Variants in FAM47E observed in about 807,000 individuals in gnomAD.
FAM47E encodes the protein protein FAM47E.
In FAM47E, 32 loss-of-function variants were observed where a neutral mutation model predicts 41.6. That is an observed-to-expected ratio of 0.77 (90% CI 0.58 to 1.03). The LOEUF is 1.03. Ranked by LOEUF, FAM47E falls within the 50% of genes least tolerant of loss-of-function variation. FAM47E has a pLI of 0.00. For synonymous variants in FAM47E, 184 were observed against 188.7 expected (o/e 0.98, Z 0.20); for missense variants, 424 against 485.4 (o/e 0.87, Z 1.19).
chr4:76,268,586 C>A, intron 3 of FAM47E, 74 bp from the exon 4 acceptor site: 1 of 1,434,036 alleles, frequency 7.0e-7, no homozygotes, highest in Non-Finnish European at 9.4e-7. Context: ...TTTCCTTTTG[C>A]CTCTAAAACT....
chr4:76,242,335 T>C (rs144268772), intron 2 of FAM47E, among the ~76,000 whole-genome samples: 118 of 152,302 alleles, frequency 7.7e-4, no homozygotes, highest in African/African-American at 2.8e-3. Context: ...CCTCTTTCTC[T>C]TGCTCCCACT....
chr4:76,229,011 T>C (rs1472348223), intron 2 of FAM47E, among the ~76,000 whole-genome samples: 1 of 152,334 alleles, frequency 6.6e-6, no homozygotes, highest in Non-Finnish European at 1.5e-5. Context: ...CCTAATTTCA[T>C]GGACGCTTTA....
chr4:76,248,473 G>A (rs1390453869), upstream of FAM47E, among the ~76,000 whole-genome samples: 1 of 152,062 alleles, frequency 6.6e-6, no homozygotes, highest in African/African-American at 2.4e-5. Flanking sequence ...TATTTTGCAT[G>A]TAGGTAGGAT....
intron 2 of FAM47E, among the ~76,000 whole-genome samples, chr4:76,244,546 T>TC: frequency 7.2e-6 from 1 of 139,372 alleles, no homozygotes; most frequent in East Asian, 2.0e-4. Context: ...TTTTTTTTTT[T>TC]TTTTTTTTTT....
intron 1 of FAM47E, 78 bp from the exon 2 acceptor site, chr4:76,256,097 CCTT>C (rs1262914742): frequency 3.4e-6 from 5 of 1,451,738 alleles, no homozygotes; most frequent in Non-Finnish European, 4.6e-6. Flanking sequence ...TTTACTACCT[CCTT>C]CTCCCACCCA....
chr4:76,257,802 C>T (rs1734252706), intron 2 of FAM47E, among the ~76,000 whole-genome samples: 2 of 152,126 alleles, frequency 1.3e-5, no homozygotes, highest in Admixed American at 6.5e-5. Flanking sequence ...CTACTTTTCA[C>T]TGTAGCACTT....
chr4:76,232,821 A>C (rs1156713671), intron 2 of FAM47E, among the ~76,000 whole-genome samples: 1 of 152,210 alleles, frequency 6.6e-6, no homozygotes, highest in Admixed American at 6.5e-5. Context: ...AATATGTTTA[A>C]AACATTTGAT....
chr4:76,274,046 A>T (rs533064657), intron 5 of FAM47E, among the ~76,000 whole-genome samples: 3 of 152,288 alleles, frequency 2.0e-5, no homozygotes, highest in African/African-American at 4.8e-5. Flanking sequence ...TTGTTTACTG[A>T]TTCTAACATC....
rs1405841117 is a variant in FAM47E, at chr4:76,283,366, C to T, written c.1105-15C>T. On this transcript the variant is annotated splice_polypyrimidine_tract_variant and intron_variant, in intron 7 of 7. Transcript: ENST00000424749. Reference sequence around the variant, plus strand: ...TGTTTGCCAATCTAATGAAGGTTCTCTCATTTTTTTTTAGTTCCTTGAGAA... The same window carrying T: ...TGTTTGCCAATCTAATGAAGGTTCTTTCATTTTTTTTTAGTTCCTTGAGAA... The T allele has an allele frequency of 6.7e-7, 1 of 1,500,992 alleles. No homozygotes were observed. Among genetic ancestry groups the T allele is most frequent in the Non-Finnish European group, 9.1e-7 (1 of 1,101,762 alleles). 93.0% of individuals were successfully genotyped at this position (1,500,992 alleles called of 1,614,324 possible). A position where few individuals can be genotyped will look rare whatever the true frequency, so the allele number is the denominator to read the frequency against.
intron 5 of FAM47E, among the ~76,000 whole-genome samples, chr4:76,274,409 C>CA (rs35889193): frequency 0.36 from 54,207 of 151,224 alleles, 10,272 homozygotes; most frequent in Admixed American, 0.42. Context: ...CCAGTCTCTA[C>CA]AAAAAAAAAT....
intron 2 of FAM47E, among the ~76,000 whole-genome samples, chr4:76,226,160 G>A (rs549496890): frequency 6.6e-6 from 1 of 152,210 alleles, no homozygotes; most frequent in Admixed American, 6.5e-5. Flanking sequence ...TGGGTCCAGG[G>A]AGCCAACGCT....
At chr4:76,229,792 G>C (rs1733462183) in intron 2 of FAM47E, among the ~76,000 whole-genome samples, 1 of 152,224 alleles carries the variant, frequency 6.6e-6, no homozygotes, top group African/African-American at 2.4e-5. Flanking sequence ...TATGCTTAGT[G>C]TGCTGGCTTT....
intron 1 of FAM47E, among the ~76,000 whole-genome samples, chr4:76,215,396 G>T (rs116593405): frequency 2.6e-5 from 4 of 152,120 alleles, no homozygotes; most frequent in African/African-American, 7.2e-5. Flanking sequence ...TCTACTCTGC[G>T]CATTGCTGCA....
rs1734195819 is a variant in FAM47E at position 76,256,461 on chromosome 4, G to A, written c.358G>A (p.Ala120Thr). The A allele has an allele frequency of 1.9e-6, 3 of 1,551,714 alleles. No homozygotes were observed. Among genetic ancestry groups the A allele is most frequent in the Non-Finnish European group, 2.6e-6 (3 of 1,147,122 alleles). The change falls in exon 2 of 8, where the codon GCC becomes ACC. Residue 120 changes from alanine (A) to threonine (T), a missense_variant. Ala to Thr is a moderately conservative substitution (Grantham distance 58). Coordinates refer to ENST00000424749, the MANE Select transcript of FAM47E (RefSeq NM_001136570.3). Reference sequence around the variant, plus strand: ...GAAGGCATTCCTGGAGGACGTGGAGGCCCACCTGACCCCACATCCCTTAGC... The same window carrying A: ...GAAGGCATTCCTGGAGGACGTGGAGACCCACCTGACCCCACATCCCTTAGC... ...ARKAFLEDVE[A>T]HLTPHPLALY...
At chr4:76,248,010 G>A (rs1733867786), upstream of FAM47E, among the ~76,000 whole-genome samples, 3 of 142,446 alleles carry the variant, frequency 2.1e-5, no homozygotes, top group South Asian at 6.8e-4. Flanking sequence ...CACCTCCTGG[G>A]TCGACGCCAT....
intron 2 of FAM47E, among the ~76,000 whole-genome samples, chr4:76,224,211 A>G (rs1733355653): frequency 6.6e-6 from 1 of 152,236 alleles, no homozygotes; most frequent in African/African-American, 2.4e-5. Flanking sequence ...AAGACTTGAC[A>G]GCACCATTGT....
chr4:76,244,459 T>G (rs373564410), intron 2 of FAM47E, among the ~76,000 whole-genome samples: 75 of 152,210 alleles, frequency 4.9e-4, no homozygotes, highest in African/African-American at 1.7e-3. Flanking sequence ...TGGTACCTCA[T>G]TGTGGTTTTG....
intron 2 of FAM47E, among the ~76,000 whole-genome samples, chr4:76,240,269 A>T (rs1578760632): frequency 6.6e-6 from 1 of 152,286 alleles, no homozygotes; most frequent in East Asian, 1.9e-4. Context: ...TCTGCAGATA[A>T]TCTTATTGAG....
chr4:76,258,583 A>C (rs1483714544), intron 2 of FAM47E, among the ~76,000 whole-genome samples: 1 of 152,218 alleles, frequency 6.6e-6, no homozygotes, highest in Non-Finnish European at 1.5e-5. Context: ...AGGAAGTAGA[A>C]CTTTAGTAAA....
Sources: allele counts gnomAD v4.1 joint callset (sites outside exome capture counted in the v4.1 genomes callset), GRCh38; gene constraint gnomAD v4.1.1; transcripts MANE v1.5; gene names NCBI Gene and HGNC (gene_info 2026-07-23, HGNC 2026-07-21).